LSG1: variants seen among roughly 807,000 people sequenced by gnomAD.
The protein encoded by LSG1 is large 60S subunit nuclear export GTPase 1.
In LSG1, 55 loss-of-function variants were observed where a neutral mutation model predicts 82.6. The observed-to-expected ratio is 0.67, with a 90% confidence interval of 0.54 to 0.83. LSG1 has a LOEUF of 0.83. LSG1 is among the 40% of genes least tolerant of loss of function. The probability of loss-of-function intolerance (pLI) is 0.00; values close to 1 mark genes in which losing one functional copy is unlikely to be tolerated. For missense variants in LSG1, 809 were observed against 807.9 expected, an observed-to-expected ratio of 1.00 and a Z score of -0.02; for synonymous variants, 272 against 282.5, an observed-to-expected ratio of 0.96 and a Z score of 0.37.
chr3:194,672,059 C>T lies in LSG1; in HGVS notation c.99+5G>A. The T allele has an allele frequency of 2.5e-6, 4 of 1,611,590 alleles. No homozygotes were observed. Among genetic ancestry groups the T allele is most frequent in the Non-Finnish European group, 3.4e-6 (4 of 1,179,108 alleles). On this transcript the variant is annotated splice_donor_5th_base_variant and intron_variant, in intron 1 of 13. Transcript: ENST00000265245. ...AGATAAGAAAGATGACATGGTCTGT[C>T]TTACCCAGGAGTCAGTGTGACGATG...
intron 7 of LSG1, among the ~76,000 whole-genome samples, chr3:194,657,088 T>C (rs1460374447): frequency 6.6e-6 from 1 of 151,666 alleles, no homozygotes; most frequent in Non-Finnish European, 1.5e-5. Context: ...ACATGGCACA[T>C]GTATATATAC....
At chr3:194,645,227 T>A (rs1718494231) in intron 12 of LSG1, 1 of 152,434 alleles carries the variant, frequency 6.6e-6, no homozygotes, top group Admixed American at 6.5e-5. Flanking sequence ...TACCTCATCT[T>A]TACATCCTCC....
At chr3:194,653,216 T>C (rs140901007) in intron 7 of LSG1, 74 bp from the exon 8 acceptor site, 23,819 of 1,459,386 alleles carry the variant, frequency 0.016, 281 homozygotes, top group Middle Eastern at 0.022. Flanking sequence ...TAATGAGTTG[T>C]AAGATGGACA....
Position 194,645,581 on chromosome 3 carries a change from C to CAG in LSG1, c.1623+582_1623+583insCT, listed in dbSNP as rs1718528141. Among the ~76,000 whole-genome samples, 26 of 65,588 alleles carry CAG rather than the reference C, an allele frequency of 4.0e-4. 3 individuals are homozygous for CAG. The highest frequency in any genetic ancestry group is 1.8e-3 in the Admixed American group (11 of 6,232). The allele number at this position is 65,588 out of a possible 152,430, so 43.0% of individuals were successfully genotyped here. ...ACACACACACACACAGACAGACACA[C>CAG]ACACACACACACACACACACACACA... is the stretch of plus-strand genomic sequence containing the variant. On this transcript the variant is annotated intron_variant, in intron 12 of 13. Coordinates refer to ENST00000265245, the MANE Select transcript of LSG1 (RefSeq NM_018385.3).
intron 7 of LSG1, among the ~76,000 whole-genome samples, chr3:194,656,386 CAT>C (rs765283584): frequency 3.3e-5 from 5 of 152,134 alleles, no homozygotes; most frequent in Non-Finnish European, 4.4e-5. Context: ...AGCCAAAAAA[CAT>C]GTGAAAAAAT....
At position 194,652,844 on chromosome 3, in the gene LSG1, T is replaced by C; in HGVS notation, c.1058A>G (p.Gln353Arg). Residue 353 changes from glutamine to arginine, a missense_variant, in exon 8 of 14, where the codon CAG becomes CGG. Gln to Arg is a conservative substitution (Grantham distance 43, BLOSUM62 1). Transcript: ENST00000265245. ...DSEARSRKTP[Q>R]KRQIHNFSHL... ...GCTAAAATTGTGTATCTGCCTCTTCTGTGGGGTTTTCCTGCTCCGAGCCTC... is the reference window on the plus strand; with the variant it reads ...GCTAAAATTGTGTATCTGCCTCTTCCGTGGGGTTTTCCTGCTCCGAGCCTC... The C allele has an allele frequency of 6.2e-7, 1 of 1,614,172 alleles. No individual in the cohort carries two copies. Among genetic ancestry groups the C allele is most frequent in the Non-Finnish European group, 8.5e-7 (1 of 1,180,042 alleles).
intron 7 of LSG1, among the ~76,000 whole-genome samples, chr3:194,655,522 C>T (rs1221461841): frequency 1.3e-5 from 2 of 151,822 alleles, no homozygotes; most frequent in East Asian, 1.9e-4. Context: ...TACTTACTGC[C>T]GAGAAGACTA....
intron 7 of LSG1, among the ~76,000 whole-genome samples, chr3:194,657,065 G>A (rs1718805406): frequency 6.6e-6 from 1 of 151,860 alleles, no homozygotes; most frequent in Non-Finnish European, 1.5e-5. Flanking sequence ...AAGTTAATGG[G>A]TGCAGCACAC....
At chr3:194,671,567 A>G (rs1259586368) in intron 1 of LSG1, among the ~76,000 whole-genome samples, 1 of 152,206 alleles carries the variant, frequency 6.6e-6, no homozygotes, top group East Asian at 1.9e-4. Flanking sequence ...ACCTAGTAAA[A>G]TATTAGGTCT....
chr3:194,645,917 G>A (rs963925947), intron 12 of LSG1, among the ~76,000 whole-genome samples: 2 of 152,100 alleles, frequency 1.3e-5, no homozygotes, highest in African/African-American at 4.8e-5. Context: ...ACAAGCAAAG[G>A]GCTGTAGGAG....
In LSG1 at chr3:194,644,632, C is replaced by G; in HGVS notation, c.1738G>C (p.Gly580Arg). 1 of 1,612,908 alleles carries G rather than the reference C, an allele frequency of 6.2e-7. No homozygotes were observed. The highest frequency in any genetic ancestry group is 8.5e-7 in the Non-Finnish European group (1 of 1,179,432). ...MNSDEIKMQL[G>R]RNKKAKQIEN... is the part of the protein sequence containing the mutation. ...ATCTGCTTTGCTTTTTTATTTCTGC[C>G]TAGCTGCATTTTTATTTCATCACTG... The change falls in exon 13 of 14, where the codon GGC becomes CGC. Residue 580 changes from glycine to arginine, a missense_variant. By Grantham distance (125) the Gly-to-Arg change is moderately radical. Transcript: ENST00000265245.
chr3:194,652,365 T>C (rs1718692560), intron 8 of LSG1, among the ~76,000 whole-genome samples: 1 of 152,342 alleles, frequency 6.6e-6, no homozygotes, highest in East Asian at 1.9e-4. Flanking sequence ...ATTTACAGCA[T>C]AAGCTGGCAA....
intron 10 of LSG1, among the ~76,000 whole-genome samples, chr3:194,649,437 A>G (rs997271752): frequency 1.3e-5 from 2 of 151,548 alleles, no homozygotes; most frequent in Admixed American, 1.3e-4. Flanking sequence ...TAATCCCAGC[A>G]TTTTGGGAGG....
In LSG1 at chr3:194,648,779, A is replaced by C; in HGVS notation, c.1445T>G (p.Val482Gly). ...SLVCQNIPRHVLEATYGINII... is the reference protein window; with the variant it reads ...SLVCQNIPRHGLEATYGINII... ...GTTAATGCCATAGGTAGCTTCTAAA[A>C]CATGTCTTGGAATATTCTGGCAAAC... is the stretch of plus-strand genomic sequence containing the variant. The change falls in exon 11 of 14, where the codon GTT (valine) becomes GGT (glycine). Residue 482 changes from valine to glycine, a missense_variant. Transcript: ENST00000265245. 6.2e-7 allele frequency: 1 copy of C among 1,613,938 alleles called. No individual in the cohort carries two copies.
In LSG1 at chr3:194,648,652, T is replaced by C. The variant is rs1222405549; in HGVS notation, c.1543+29A>G. ...TTCATTAGGTATACTGTTACTTTTG[T>C]TCACATTTTCTGATGAATCACAACT... On this transcript the variant is annotated intron_variant, in intron 11 of 13. Transcript: ENST00000265245. 6 of 1,612,160 alleles carry C rather than the reference T, an allele frequency of 3.7e-6. No individual in the cohort carries two copies. In the Admixed American group the frequency reaches 5.0e-5, roughly 13 times the overall value.
chr3:194,646,083 G>A lies in LSG1; in HGVS notation c.1623+81C>T, dbSNP rs186321144. On this transcript the variant is annotated intron_variant, in intron 12 of 13. Coordinates refer to ENST00000265245, the MANE Select transcript of LSG1 (RefSeq NM_018385.3). ...ATGAAAAAATATTTCCTTTATAATC[G>A]AACAGGTTACCATTATCTAAGAACG... The A allele has an allele frequency of 6.3e-3, 8,478 of 1,340,492 alleles. 70 individuals carry two copies. The highest frequency in any genetic ancestry group is 0.026 in the South Asian group (2,060 of 80,498). 83.0% of individuals were successfully genotyped at this position (1,340,492 alleles called of 1,614,324 possible).
Position 194,672,142 on chromosome 3 carries a change from C to T in LSG1, c.21G>A (p.Pro7=). Residue 7 remains proline (P), a synonymous_variant, in exon 1 of 14, where the codon CCG becomes CCA. Transcript: ENST00000265245. The stretch of plus-strand genomic sequence containing the variant: ...GGGCCCGTCCCAGCGACCCACCGGC[C>T]GGGGCTCTCCTCCGGCCCATGGCAA... The part of the protein sequence containing the change: MGRRRA[P]AGGSLGRALM... The T allele has an allele frequency of 6.2e-7, 1 of 1,604,742 alleles. No individual in the cohort carries two copies. The highest frequency in any genetic ancestry group is 8.5e-7 in the Non-Finnish European group (1 of 1,179,906).
chr3:194,664,112 C>T (rs1470782532), intron 5 of LSG1, among the ~76,000 whole-genome samples: 1 of 151,984 alleles, frequency 6.6e-6, no homozygotes, highest in African/African-American at 2.4e-5. Context: ...AGTAGCCAAG[C>T]CTGGCTATTT....
At chr3:194,646,345 G>T in intron 11 of LSG1, 102 bp from the exon 12 acceptor site, 2 of 825,552 alleles carry the variant, frequency 2.4e-6, no homozygotes, top group Non-Finnish European at 4.0e-6. Context: ...CTTACTCTTG[G>T]ATTTTAAAAA....
Sources: allele counts gnomAD v4.1 joint callset (sites outside exome capture counted in the v4.1 genomes callset), GRCh38; gene constraint gnomAD v4.1.1; transcripts MANE v1.5; gene names NCBI Gene and HGNC (gene_info 2026-07-23, HGNC 2026-07-21).